The following PCDH11X variants were observed in gnomAD, a reference collection of about 807,000 sequenced individuals.
PCDH11X encodes protocadherin-11 X-linked.
Under a neutral mutation model 53.3 loss-of-function variants are expected in PCDH11X, and 18 were observed. The observed-to-expected ratio is 0.34, with a 90% CI of 0.23 to 0.50. The LOEUF (loss-of-function observed/expected upper bound fraction) is 0.50, where lower values mean the gene tolerates loss of function less well. Ranked by LOEUF, PCDH11X falls within the 20% of genes least tolerant of loss-of-function variation. The pLI is 0.98. For synonymous variants in PCDH11X, 279 were observed against 393.3 expected (o/e 0.71, Z 3.44); for missense variants, 570 against 1,032.4 (o/e 0.55, Z 6.14).
In PCDH11X at chrX:92,307,346, A is replaced by G. The variant is rs747928987; in HGVS notation, c.3144+44203A>G. ...CAATGTAATACACTACATTAACAGA[A>G]TGAAGGAAAAAAATTATCATCTCAA... is the stretch of plus-strand genomic sequence containing the variant. On this transcript the variant is annotated intron_variant, in intron 8 of 10. Transcript: ENST00000682573. Among the ~76,000 whole-genome samples the G allele has an allele frequency of 1.3e-3, 140 of 110,944 alleles. 1 individual carries two copies. The highest frequency in any genetic ancestry group is 4.3e-3 in the African/African-American group (132 of 30,574).
At chrX:92,209,311 T>A (rs930657844) in intron 7 of PCDH11X, among the ~76,000 whole-genome samples, 4 of 111,998 alleles carry the variant, frequency 3.6e-5, no homozygotes, top group African/African-American at 3.2e-5. Context: ...AAAATTTTTT[T>A]AAAAAGTTTG....
Position 92,282,943 on chromosome X carries a change from G to A in PCDH11X, c.3144+19800G>A, listed in dbSNP as rs143238790. ...TTGATATTAGAAAAATCAGAGTCAT[G>A]GAAACATTTGTCTCTCTATCTATCT... On this transcript the variant is annotated intron_variant, in intron 8 of 10. Transcript: ENST00000682573. Among the ~76,000 whole-genome samples the A allele has an allele frequency of 5.0e-3, 556 of 111,210 alleles. 1 individual carries two copies. The highest frequency in any genetic ancestry group is 0.017 in the African/African-American group (532 of 30,717).
intron 5 of PCDH11X, among the ~76,000 whole-genome samples, chrX:91,858,238 A>G: frequency 9.1e-6 from 1 of 109,887 alleles, no homozygotes; most frequent in Non-Finnish European, 1.9e-5. Flanking sequence ...CAAGTCCCCA[A>G]ACTGCACAAA....
chrX:92,211,254 A>G (rs976917715), intron 7 of PCDH11X, among the ~76,000 whole-genome samples: 2 of 111,648 alleles, frequency 1.8e-5, no homozygotes, highest in Non-Finnish European at 3.8e-5. Flanking sequence ...AGAAGCCAGC[A>G]CATCTTCACA....
intron 9 of PCDH11X, among the ~76,000 whole-genome samples, chrX:92,402,254 G>A (rs914842282): frequency 1.1e-4 from 12 of 111,382 alleles, no homozygotes; most frequent in African/African-American, 1.6e-4. Flanking sequence ...TCAAACTACC[G>A]ATTACATTCT....
rs1276276562 is a variant in PCDH11X, at chrX:92,620,270, C to T, written c.*1330C>T. The T allele has an allele frequency of 9.0e-5, 10 of 110,848 alleles. No individual in the cohort carries two copies. The highest frequency in any genetic ancestry group is 2.9e-4 in the Admixed American group (3 of 10,396). 9.1% of individuals were successfully genotyped at this position (110,848 alleles called of 1,213,427 possible). A position where few individuals can be genotyped will look rare whatever the true frequency, so the allele number is the denominator to read the frequency against. On this transcript the variant is annotated 3_prime_UTR_variant, in exon 11 of 11. Transcript: ENST00000682573. ...AAATATATTCTTCTAAGCAAAGAAA[C>T]AGTACTATTCATAGAAAACATTAGT...
In PCDH11X at chrX:92,547,493, G is replaced by A. The variant is rs1340358771; in HGVS notation, c.3368-70771G>A. 1.6e-4 allele frequency among the ~76,000 whole-genome samples: 17 copies of A among 109,676 alleles called. No homozygotes were observed. In the Admixed American group the frequency reaches 1.7e-3, roughly 11 times the overall value. ...CTTAGAAAAAAAAATGTGAATGAATGTCTCTCTCTTCCTTCCTCCCTTTCT... is the reference window on the plus strand; with the variant it reads ...CTTAGAAAAAAAAATGTGAATGAATATCTCTCTCTTCCTTCCTCCCTTTCT... On this transcript the variant is annotated intron_variant, in intron 10 of 10. Coordinates refer to ENST00000682573, the MANE Select transcript of PCDH11X (RefSeq NM_032968.5).
intron 8 of PCDH11X, among the ~76,000 whole-genome samples, chrX:92,263,369 T>C (rs2148416001): frequency 8.9e-6 from 1 of 111,853 alleles, no homozygotes; most frequent in Non-Finnish European, 1.9e-5. Flanking sequence ...CAATACTTTC[T>C]TTTCCCACTA....
At chrX:92,184,814 C>G (rs1406868783) in intron 6 of PCDH11X, among the ~76,000 whole-genome samples, 1 of 110,598 alleles carries the variant, frequency 9.0e-6, no homozygotes, top group Non-Finnish European at 1.9e-5. Flanking sequence ...AAGGCCTAGG[C>G]AGAAGGATCA....
intron 6 of PCDH11X, among the ~76,000 whole-genome samples, chrX:92,116,104 G>A (rs1319100682): frequency 8.9e-6 from 1 of 112,106 alleles, no homozygotes; most frequent in African/African-American, 3.2e-5. Flanking sequence ...TGTAAGGCGT[G>A]TAAATGTGAG....
intron 7 of PCDH11X, among the ~76,000 whole-genome samples, chrX:92,217,551 A>T (rs1172085025): frequency 9.9e-6 from 1 of 100,951 alleles, no homozygotes; most frequent in Non-Finnish European, 2.0e-5. Context: ...AGTTTCATAA[A>T]GCAAGTCCTG....
chrX:92,452,207 T>C, intron 9 of PCDH11X, among the ~76,000 whole-genome samples: 1 of 102,304 alleles, frequency 9.8e-6, no homozygotes. Context: ...AATATATTCA[T>C]CCGAACCATA....
At chrX:92,180,699 G>T (rs748094779) in intron 6 of PCDH11X, among the ~76,000 whole-genome samples, 1 of 111,342 alleles carries the variant, frequency 9.0e-6, no homozygotes, top group East Asian at 2.9e-4. Context: ...TTGTGATAGT[G>T]AATAAGTCTC....
chrX:92,332,482 T>C (rs1342141315), intron 8 of PCDH11X, among the ~76,000 whole-genome samples: 1 of 111,421 alleles, frequency 9.0e-6, no homozygotes, highest in Non-Finnish European at 1.9e-5. Context: ...GTTTTTAATT[T>C]GAGCTCCTAT....
At chrX:92,483,962 GA>G (rs887191692) in intron 10 of PCDH11X, among the ~76,000 whole-genome samples, 2 of 106,968 alleles carry the variant, frequency 1.9e-5, no homozygotes, top group African/African-American at 6.8e-5. Flanking sequence ...CTACCCAGAG[GA>G]AAAAAAGTCA....
Position 92,383,062 on chromosome X carries a change from T to G in PCDH11X, c.3145-4673T>G, listed in dbSNP as rs1366663607. 8.2e-5 allele frequency among the ~76,000 whole-genome samples: 9 copies of G among 109,255 alleles called. No individual in the cohort carries two copies. The East Asian group carries it at 2.6e-3, about 31-fold the overall frequency. 94.9% of individuals were successfully genotyped at this position (109,255 alleles called of 115,157 possible). A position where few individuals can be genotyped will look rare whatever the true frequency, so the allele number is the denominator to read the frequency against. ...TAATAATACATAAAAGTACCTAAAT[T>G]TTAAATTTTAATGTCCATAAGTACA... On this transcript the variant is annotated intron_variant, in intron 8 of 10. Coordinates refer to ENST00000682573, the MANE Select transcript of PCDH11X (RefSeq NM_032968.5).
chrX:92,478,791 G>A (rs1248416259), intron 10 of PCDH11X, among the ~76,000 whole-genome samples: 3 of 109,735 alleles, frequency 2.7e-5, no homozygotes, highest in Non-Finnish European at 3.8e-5. Context: ...TTTTGTGTCC[G>A]ATTATGTGGT....
At chrX:91,925,051 G>A (rs769201745) in intron 6 of PCDH11X, among the ~76,000 whole-genome samples, 2 of 109,305 alleles carry the variant, frequency 1.8e-5, no homozygotes, top group East Asian at 2.9e-4. Flanking sequence ...GAATCAACTA[G>A]GCAAACATTA....
At chrX:92,225,526 G>A (rs1169201928) in intron 7 of PCDH11X, among the ~76,000 whole-genome samples, 1 of 111,281 alleles carries the variant, frequency 9.0e-6, no homozygotes, top group Admixed American at 9.7e-5. Flanking sequence ...GGTGCTAAAT[G>A]GTAGAATAAG....
Sources: gnomAD v4.1 joint callset for allele counts (sites outside exome capture counted in the v4.1 genomes callset) on GRCh38, gnomAD v4.1.1 for gene constraint, MANE v1.5 for transcripts, NCBI Gene and HGNC (gene_info 2026-07-23, HGNC 2026-07-21) for gene names.